LHFPL3: variants seen among roughly 807,000 people sequenced by gnomAD.
LHFPL3 encodes LHFPL tetraspan subfamily member 3 protein.
A neutral mutation model predicts 19.3 loss-of-function variants in LHFPL3; 5 were observed. The observed-to-expected ratio is 0.26, with a 90% confidence interval of 0.14 to 0.54. The LOEUF is 0.54. LHFPL3 is among the 20% of genes least tolerant of loss of function. LHFPL3 has a pLI of 0.94. For missense variants in LHFPL3, 249 were observed against 307.4 expected (o/e 0.81, Z 1.42); for synonymous variants, 133 against 126.2 (o/e 1.05, Z -0.36).
chr7:104,902,409 G>C (rs566201024), intron 2 of LHFPL3, among the ~76,000 whole-genome samples: 2 of 151,660 alleles, frequency 1.3e-5, no homozygotes, highest in Non-Finnish European at 2.9e-5. Context: ...AGGAAGAGGA[G>C]GAGGGAGAGG....
At chr7:104,569,543 A>G (rs574989840) in intron 1 of LHFPL3, among the ~76,000 whole-genome samples, 4 of 152,216 alleles carry the variant, frequency 2.6e-5, no homozygotes, top group Non-Finnish European at 4.4e-5. Flanking sequence ...TATGGGACAC[A>G]TATAGATAGT....
At chr7:104,524,662 A>T (rs1384933761) in intron 1 of LHFPL3, among the ~76,000 whole-genome samples, 1 of 152,166 alleles carries the variant, frequency 6.6e-6, no homozygotes, top group Admixed American at 6.6e-5. Context: ...ATCCACAAAA[A>T]AGAAGTGTGA....
intron 1 of LHFPL3, among the ~76,000 whole-genome samples, chr7:104,667,053 T>G (rs59322591): frequency 0.41 from 61,708 of 151,974 alleles, 13,068 homozygotes; most frequent in East Asian, 0.63. Context: ...ATTTTTAGCT[T>G]TTTGGGAAAT....
chr7:104,375,623 T>C (rs1790699956), intron 1 of LHFPL3, among the ~76,000 whole-genome samples: 1 of 152,194 alleles, frequency 6.6e-6, no homozygotes, highest in African/African-American at 2.4e-5. Flanking sequence ...TCTTATTGGC[T>C]AAGAATTTAC....
In LHFPL3 at chr7:104,564,580, A is replaced by C. The variant is rs77515111; in HGVS notation, c.446-172095A>C. Among the ~76,000 whole-genome samples, 849 of 152,344 alleles carry C rather than the reference A, an allele frequency of 5.6e-3. 18 individuals are homozygous for C. The East Asian group carries it at 0.06, about 11-fold the overall frequency. On this transcript the variant is annotated intron_variant, in intron 1 of 2. Coordinates refer to ENST00000424859, the MANE Select transcript of LHFPL3 (RefSeq NM_199000.3). ...AAGTTAAGTTTTTACATGAGAAAGA[A>C]AGTAAACAGGCAGATTTTGATGTAG...
chr7:104,468,183 C>A (rs778802553), intron 1 of LHFPL3, among the ~76,000 whole-genome samples: 4 of 152,188 alleles, frequency 2.6e-5, no homozygotes, highest in African/African-American at 9.7e-5. Flanking sequence ...CCTCCTCTAC[C>A]TCAACTGGCT....
intron 2 of LHFPL3, among the ~76,000 whole-genome samples, chr7:104,835,296 T>C (rs1791069386): frequency 6.6e-6 from 1 of 151,958 alleles, no homozygotes; most frequent in Non-Finnish European, 1.5e-5. Flanking sequence ...TCAACCAACA[T>C]TTGCTGTGTG....
chr7:104,653,322 T>G (rs1792063957), intron 1 of LHFPL3, among the ~76,000 whole-genome samples: 1 of 152,026 alleles, frequency 6.6e-6, no homozygotes, highest in Admixed American at 6.6e-5. Flanking sequence ...TAAAACTGAG[T>G]GGAAACATCC....
intron 1 of LHFPL3, among the ~76,000 whole-genome samples, chr7:104,493,296 C>T (rs1211380456): frequency 6.6e-6 from 1 of 151,980 alleles, no homozygotes; most frequent in Non-Finnish European, 1.5e-5. Context: ...TCTATCTTCT[C>T]TTCCTACCCT....
intron 1 of LHFPL3, among the ~76,000 whole-genome samples, chr7:104,468,476 A>G (rs566194382): frequency 6.6e-6 from 1 of 152,122 alleles, no homozygotes; most frequent in Non-Finnish European, 1.5e-5. Flanking sequence ...GGAGAAAATA[A>G]TTGTCATGGC....
intron 1 of LHFPL3, among the ~76,000 whole-genome samples, chr7:104,575,947 T>C (rs1209697390): frequency 6.6e-6 from 1 of 152,084 alleles, no homozygotes; most frequent in Admixed American, 6.6e-5. Flanking sequence ...GCTAAGGAAT[T>C]TGTCTTGTAT....
intron 1 of LHFPL3, among the ~76,000 whole-genome samples, chr7:104,627,245 T>C (rs1469308491): frequency 6.6e-6 from 1 of 152,176 alleles, no homozygotes; most frequent in Non-Finnish European, 1.5e-5. Context: ...TGTGCCTGGC[T>C]TATTTCACTT....
intron 2 of LHFPL3, among the ~76,000 whole-genome samples, chr7:104,761,299 T>G (rs1794367850): frequency 6.6e-6 from 1 of 152,114 alleles, no homozygotes; most frequent in African/African-American, 2.4e-5. Context: ...TTTTTTTACA[T>G]TTTTACAAAT....
intron 1 of LHFPL3, among the ~76,000 whole-genome samples, chr7:104,492,871 G>A (rs898769207): frequency 6.6e-6 from 1 of 151,856 alleles, no homozygotes; most frequent in African/African-American, 2.4e-5. Flanking sequence ...CTGCCTCTTT[G>A]GGGGCCTTCC....
At chr7:104,849,899 G>C (rs1162878643) in intron 2 of LHFPL3, among the ~76,000 whole-genome samples, 2 of 152,246 alleles carry the variant, frequency 1.3e-5, no homozygotes, top group Non-Finnish European at 2.9e-5. Context: ...CAGAGGGAAA[G>C]TTAGAGTAAT....
At chr7:104,549,515 T>G (rs1794631007) in intron 1 of LHFPL3, among the ~76,000 whole-genome samples, 1 of 150,908 alleles carries the variant, frequency 6.6e-6, no homozygotes, top group Admixed American at 6.6e-5. Flanking sequence ...CATTATAATT[T>G]GCTATGCACT....
rs1015868701 is a variant in LHFPL3, at chr7:104,518,485, A to G, written c.445+189261A>G. Among the ~76,000 whole-genome samples the G allele has an allele frequency of 5.8e-5, 8 of 137,572 alleles. No individual in the cohort carries two copies. In the East Asian group the frequency reaches 8.8e-4, roughly 15 times the overall value. The allele number at this position is 137,572 out of a possible 152,430, so 90.3% of individuals were successfully genotyped here. On this transcript the variant is annotated intron_variant, in intron 1 of 2. Transcript: ENST00000424859. ...TTAAATAAATGATAATGGATGTCCA[A>G]TCTCTATGGTGTTTAAATTCTACTA...
At chr7:104,376,595 T>G (rs1210413214) in intron 1 of LHFPL3, among the ~76,000 whole-genome samples, 1 of 152,006 alleles carries the variant, frequency 6.6e-6, no homozygotes, top group Non-Finnish European at 1.5e-5. Context: ...TGGCAGGGAG[T>G]TGTGAAAAGT....
chr7:104,851,318 G>C (rs1562814413), intron 2 of LHFPL3, among the ~76,000 whole-genome samples: 1 of 152,144 alleles, frequency 6.6e-6, no homozygotes, highest in Non-Finnish European at 1.5e-5. Flanking sequence ...ATACATCTTG[G>C]GAGTCTGAGT....
Sources: gnomAD v4.1 joint callset for allele counts (sites outside exome capture counted in the v4.1 genomes callset) on GRCh38, gnomAD v4.1.1 for gene constraint, MANE v1.5 for transcripts, NCBI Gene and HGNC (gene_info 2026-07-23, HGNC 2026-07-21) for gene names.